The following EDA variants were observed in gnomAD, a reference collection of about 807,000 sequenced individuals.
EDA encodes ectodysplasin A, also known as ectodysplasin-A.
Under a neutral mutation model 23.6 loss-of-function variants are expected in EDA, and 2 were observed. The observed-to-expected ratio is 0.08, with a 90% confidence interval of 0.03 to 0.27. EDA has a LOEUF of 0.27. EDA is among the 10% of genes least tolerant of loss of function. The pLI is 1.00. For synonymous variants in EDA, 131 were observed against 132.0 expected, an observed-to-expected ratio of 0.99 and a Z score of 0.05; for missense variants, 229 against 324.2, an observed-to-expected ratio of 0.71 and a Z score of 2.26.
chrX:69,708,448 A>G (rs1183744449), intron 1 of EDA, among the ~76,000 whole-genome samples: 1 of 110,950 alleles, frequency 9.0e-6, no homozygotes, highest in Non-Finnish European at 1.9e-5. Context: ...TCATCAGTTC[A>G]TTAGGTAAGG....
At chrX:69,953,211 T>C (rs1208747069) in intron 1 of EDA, among the ~76,000 whole-genome samples, 2 of 112,359 alleles carry the variant, frequency 1.8e-5, no homozygotes, top group African/African-American at 3.2e-5. Flanking sequence ...CTATAGCAGA[T>C]TATAAGCAGC....
At chrX:69,796,919 G>T (rs1033528468) in intron 1 of EDA, among the ~76,000 whole-genome samples, 6 of 110,285 alleles carry the variant, frequency 5.4e-5, no homozygotes, top group African/African-American at 1.6e-4. Context: ...ATAATCACTT[G>T]ATGAGATACA....
At chrX:69,756,557 A>G (rs1471009417) in intron 1 of EDA, among the ~76,000 whole-genome samples, 1 of 111,589 alleles carries the variant, frequency 9.0e-6, no homozygotes, top group Admixed American at 9.5e-5. Flanking sequence ...GTTCAACTCT[A>G]CCTAAACGTT....
At chrX:69,683,059 A>G (rs1248790808) in intron 1 of EDA, among the ~76,000 whole-genome samples, 1 of 111,408 alleles carries the variant, frequency 9.0e-6, no homozygotes, top group Admixed American at 9.5e-5. Context: ...TTAGTTTTCT[A>G]TCTCTAAAAT....
At chrX:69,887,894 C>G (rs902610146) in intron 1 of EDA, among the ~76,000 whole-genome samples, 1 of 111,731 alleles carries the variant, frequency 9.0e-6, no homozygotes, top group Non-Finnish European at 1.9e-5. Flanking sequence ...TTCATCACCA[C>G]TGGGCCTGTC....
At chrX:69,758,244 A>G (rs777387074) in intron 1 of EDA, among the ~76,000 whole-genome samples, 1 of 112,064 alleles carries the variant, frequency 8.9e-6, no homozygotes, top group South Asian at 3.8e-4. Flanking sequence ...AAGCATTGTA[A>G]TTCATCCAGA....
At chrX:69,786,838 G>A (rs1029360932) in intron 1 of EDA, among the ~76,000 whole-genome samples, 39 of 109,677 alleles carry the variant, frequency 3.6e-4, no homozygotes, top group African/African-American at 1.3e-3. Flanking sequence ...TCAATTCCTC[G>A]GTATCCTTGT....
In EDA at chrX:70,037,366, G is replaced by A. The variant is rs887388317; in HGVS notation, c.*1757G>A. 8.9e-6 allele frequency: 1 copy of A among 111,867 alleles called. No homozygotes were observed. Among genetic ancestry groups the A allele is most frequent in the African/African-American group, 3.3e-5 (1 of 30,734 alleles). The allele number at this position is 111,867 out of a possible 1,213,427, so 9.2% of individuals were successfully genotyped here. A position where few individuals can be genotyped will look rare whatever the true frequency, so the allele number is the denominator to read the frequency against. On this transcript the variant is annotated 3_prime_UTR_variant, in exon 8 of 8. Coordinates refer to ENST00000374552, the MANE Select transcript of EDA (RefSeq NM_001399.5). ...ACAGCCTTGCAACCCAAGGTGAGGT[G>A]AACTCCAGGCATGTGTCTGGCCCTA...
intron 1 of EDA, among the ~76,000 whole-genome samples, chrX:69,730,373 A>G (rs1332537257): frequency 0.084 from 9 of 107 alleles, no homozygotes; most frequent in Admixed American, 0.47. Context: ...ATGACTTGGT[A>G]GAAAAGAAGG....
At position 69,812,512 on chromosome X, in the gene EDA, C is replaced by T. The variant is rs1456556721; in HGVS notation, c.397-144515C>T. Among the ~76,000 whole-genome samples the T allele has an allele frequency of 2.3e-4, 26 of 112,109 alleles. No individual in the cohort carries two copies. The Admixed American group carries it at 2.4e-3, about 10-fold the overall frequency. ...TGTAAATTTGTTCATCCAATGTCTG[C>T]TTTCTATGAGATAGACTTTGAATGA... On this transcript the variant is annotated intron_variant, in intron 1 of 7. Coordinates refer to ENST00000374552, the MANE Select transcript of EDA (RefSeq NM_001399.5).
chrX:69,898,515 G>A (rs1334521744), intron 1 of EDA, among the ~76,000 whole-genome samples: 1 of 109,562 alleles, frequency 9.1e-6, no homozygotes, highest in African/African-American at 3.3e-5. Context: ...CCCGGGAGGC[G>A]GAGGTTGCAG....
At chrX:69,700,717 G>A (rs2011511680) in intron 1 of EDA, among the ~76,000 whole-genome samples, 2 of 111,119 alleles carry the variant, frequency 1.8e-5, no homozygotes, top group African/African-American at 3.3e-5. Flanking sequence ...GGTGTTTTGC[G>A]ACTGAGGAAA....
intron 1 of EDA, among the ~76,000 whole-genome samples, chrX:69,888,991 T>G (rs1374297212): frequency 1.2e-4 from 7 of 58,672 alleles, no homozygotes; most frequent in East Asian, 8.4e-4. Flanking sequence ...TATATATATA[T>G]ATATATATAT....
chrX:70,027,260 C>G (rs1177342006), intron 3 of EDA, among the ~76,000 whole-genome samples: 1 of 111,561 alleles, frequency 9.0e-6, no homozygotes, highest in East Asian at 2.8e-4. Context: ...TTCTACTATC[C>G]CATGACTGTG....
In EDA at chrX:69,823,867, T is replaced by C. The variant is rs1426443742; in HGVS notation, c.397-133160T>C. The stretch of plus-strand genomic sequence containing the variant: ...AAGTCTTTAATCCATCTTGAATTGA[T>C]TTTTGTATAAGGTGTAAGGAAGGGA... On this transcript the variant is annotated intron_variant, in intron 1 of 7. Transcript: ENST00000374552. Among the ~76,000 whole-genome samples the C allele has an allele frequency of 3.4e-5, 3 of 88,581 alleles. No individual in the cohort carries two copies. The East Asian group carries it at 1.2e-3, about 36-fold the overall frequency. 76.9% of individuals were successfully genotyped at this position (88,581 alleles called of 115,157 possible). A position where few individuals can be genotyped will look rare whatever the true frequency, so the allele number is the denominator to read the frequency against.
At chrX:69,789,963 C>A (rs2015352418) in intron 1 of EDA, among the ~76,000 whole-genome samples, 1 of 111,638 alleles carries the variant, frequency 9.0e-6, no homozygotes, top group Non-Finnish European at 1.9e-5. Flanking sequence ...ATTTCTGATT[C>A]CCAGGCCTGT....
intron 1 of EDA, among the ~76,000 whole-genome samples, chrX:69,711,721 A>G (rs2012050970): frequency 9.0e-6 from 1 of 111,244 alleles, no homozygotes; most frequent in African/African-American, 3.3e-5. Context: ...TTTAGTCTTG[A>G]GAGAGTGTAT....
At chrX:69,751,856 AACAG>A (rs2013890187) in intron 1 of EDA, among the ~76,000 whole-genome samples, 1 of 107,612 alleles carries the variant, frequency 9.3e-6, no homozygotes, top group African/African-American at 3.5e-5. Context: ...GTTATAACAG[AACAG>A]AATCCTGTTC....
intron 2 of EDA, among the ~76,000 whole-genome samples, chrX:69,968,064 C>T (rs911011112): frequency 9.0e-6 from 1 of 110,902 alleles, no homozygotes; most frequent in African/African-American, 3.3e-5. Context: ...ATATTACACC[C>T]GGGGACACAA....
Sources: gnomAD v4.1 joint callset for allele counts (sites outside exome capture counted in the v4.1 genomes callset) on GRCh38, gnomAD v4.1.1 for gene constraint, MANE v1.5 for transcripts, NCBI Gene and HGNC (gene_info 2026-07-23, HGNC 2026-07-21) for gene names.